The following GTF2F2 variants were observed in gnomAD, a reference collection of about 807,000 sequenced individuals.
The protein encoded by GTF2F2 is ATP-dependent helicase GTF2F2.
GTF2F2 carries 23 observed loss-of-function variants against 42.2 expected under a neutral mutation model. That is an observed-to-expected ratio of 0.55 (90% confidence interval 0.39 to 0.77). The LOEUF (loss-of-function observed/expected upper bound fraction) is 0.77, where lower values mean the gene tolerates loss of function less well. Ranked by LOEUF, GTF2F2 falls within the 30% of genes least tolerant of loss-of-function variation. The pLI is 0.00. For missense variants in GTF2F2, 261 were observed against 287.2 expected (o/e 0.91, Z 0.66); for synonymous variants, 105 against 100.8 (o/e 1.04, Z -0.25).
Position 45,267,314 on chromosome 13 carries a change from G to GC in GTF2F2, c.570dup (p.Phe191LeufsTer2). On this transcript the variant is annotated frameshift_variant, in exon 7 of 8. Transcript: ENST00000340473. LOFTEE classifies it high-confidence loss of function. ...ACATGTTTTAGACATGCTATTTTCA[G>GC]CCTTTGAGAAACATCAATACTATAA... 6.2e-7 allele frequency: 1 copy of GC among 1,611,348 alleles called. No individual in the cohort carries two copies. Among genetic ancestry groups the GC allele is most frequent in the Non-Finnish European group, 8.5e-7 (1 of 1,177,624 alleles).
chr13:45,124,222 A>AT, intron 1 of GTF2F2: 1 of 338,266 alleles, frequency 3.0e-6, no homozygotes, highest in Non-Finnish European at 5.8e-6. Flanking sequence ...AGCTGGGACT[A>AT]TAGGTGCCTG....
At chr13:45,267,169 T>C in intron 6 of GTF2F2, 64 bp from the exon 7 acceptor site, 1 of 1,283,646 alleles carries the variant, frequency 7.8e-7, no homozygotes, top group Non-Finnish European at 1.1e-6. Context: ...AAAAAGAGAA[T>C]GCCTGTGTTT....
At chr13:45,281,693 C>A (rs922644088) in intron 7 of GTF2F2, among the ~76,000 whole-genome samples, 32 of 152,212 alleles carry the variant, frequency 2.1e-4, no homozygotes, top group African/African-American at 7.7e-4. Context: ...TGGTCTAGCA[C>A]CATGCTAGAG....
intron 5 of GTF2F2, among the ~76,000 whole-genome samples, chr13:45,225,956 C>T (rs187522555): frequency 5.4e-4 from 81 of 151,226 alleles, no homozygotes; most frequent in Non-Finnish European, 1.0e-3. Context: ...ATTAACTCAA[C>T]AAGTATGAAA....
intron 3 of GTF2F2, among the ~76,000 whole-genome samples, chr13:45,150,460 C>A (rs1249419990): frequency 6.6e-6 from 1 of 152,014 alleles, no homozygotes; most frequent in African/African-American, 2.4e-5. Context: ...AGTGTTTAAG[C>A]TTTTCAGAGT....
intron 4 of GTF2F2, among the ~76,000 whole-genome samples, chr13:45,171,035 A>G (rs115004729): frequency 0.012 from 1,756 of 151,014 alleles, 29 homozygotes; most frequent in African/African-American, 0.036. Flanking sequence ...ATGAGGTGAC[A>G]TAGCCGTGAA....
At chr13:45,194,769 A>G (rs1419993893) in intron 4 of GTF2F2, 1 of 575,456 alleles carries the variant, frequency 1.7e-6, no homozygotes, top group East Asian at 2.8e-5. Flanking sequence ...AGTAAGACGG[A>G]AAAGAGAATT....
chr13:45,240,917 A>G (rs1403826554), intron 5 of GTF2F2, among the ~76,000 whole-genome samples: 2 of 151,472 alleles, frequency 1.3e-5, no homozygotes, highest in African/African-American at 2.4e-5. Context: ...AGGTGGGCGG[A>G]TCACTTGAGC....
At chr13:45,243,956 C>T (rs1032013451) in intron 5 of GTF2F2, among the ~76,000 whole-genome samples, 2 of 152,220 alleles carry the variant, frequency 1.3e-5, no homozygotes, top group African/African-American at 2.4e-5. Context: ...CCACTGCGCC[C>T]TGCCAGTTTT....
intron 4 of GTF2F2, among the ~76,000 whole-genome samples, chr13:45,170,950 A>C (rs1871564967): frequency 1.3e-5 from 2 of 152,150 alleles, no homozygotes; most frequent in Non-Finnish European, 2.9e-5. Context: ...TCAGAATGGT[A>C]ACAGACAGTT....
intron 4 of GTF2F2, among the ~76,000 whole-genome samples, chr13:45,171,380 C>T (rs1041475068): frequency 6.6e-6 from 1 of 152,044 alleles, no homozygotes; most frequent in East Asian, 1.9e-4. Context: ...AAAACCATAT[C>T]TTGACTTTAA....
chr13:45,183,931 C>T (rs1351090398), intron 4 of GTF2F2, among the ~76,000 whole-genome samples: 1 of 151,980 alleles, frequency 6.6e-6, no homozygotes, highest in Non-Finnish European at 1.5e-5. Context: ...TCTTGGCTCA[C>T]AGCAACCTCT....
chr13:45,232,897 A>C (rs1874759316), intron 5 of GTF2F2, among the ~76,000 whole-genome samples: 1 of 152,206 alleles, frequency 6.6e-6, no homozygotes, highest in Non-Finnish European at 1.5e-5. Flanking sequence ...TGTTTGGAGA[A>C]GTTAGTATAG....
At chr13:45,274,144 T>C (rs1876920975) in intron 7 of GTF2F2, among the ~76,000 whole-genome samples, 1 of 151,988 alleles carries the variant, frequency 6.6e-6, no homozygotes, top group African/African-American at 2.4e-5. Context: ...TTTTCAAATG[T>C]CCCAAGACAG....
chr13:45,147,029 A>C (rs1870228916), intron 2 of GTF2F2, among the ~76,000 whole-genome samples: 1 of 152,248 alleles, frequency 6.6e-6, no homozygotes. Flanking sequence ...GTATTAACTC[A>C]TCTAGAGCTC....
In GTF2F2 at chr13:45,253,093, G is replaced by A. The variant is rs1428075930; in HGVS notation, c.486+123G>A. On this transcript the variant is annotated intron_variant, in intron 6 of 7. Coordinates refer to ENST00000340473, the MANE Select transcript of GTF2F2 (RefSeq NM_004128.3). Reference sequence around the variant, plus strand: ...CTTGCCATCAGGTGCTTGAATTACAGTACCTGATCTGGACTTAGTAAGGAA... The same window carrying A: ...CTTGCCATCAGGTGCTTGAATTACAATACCTGATCTGGACTTAGTAAGGAA... 2.2e-5 allele frequency: 11 copies of A among 501,920 alleles called. No individual in the cohort carries two copies. In the East Asian group the frequency reaches 2.4e-4, roughly 11 times the overall value. 31.1% of individuals were successfully genotyped at this position (501,920 alleles called of 1,614,324 possible).
chr13:45,123,881 G>T lies in GTF2F2; in HGVS notation c.66+3160G>T, dbSNP rs117141541. On this transcript the variant is annotated intron_variant, in intron 1 of 7. Coordinates refer to ENST00000340473, the MANE Select transcript of GTF2F2 (RefSeq NM_004128.3). ...CTCCCTAGGCCCCTCCCTCTTCAGG[G>T]GGTCTGCATGGAAGCTGTGAGGAGG... 1,957 of 331,054 alleles carry T rather than the reference G, an allele frequency of 5.9e-3. 13 individuals are homozygous for T. The highest frequency in any genetic ancestry group is 0.014 in the Middle Eastern group (16 of 1,138). 20.5% of individuals were successfully genotyped at this position (331,054 alleles called of 1,614,324 possible). A position where few individuals can be genotyped will look rare whatever the true frequency, so the allele number is the denominator to read the frequency against.
chr13:45,210,545 C>T (rs1398946021), intron 5 of GTF2F2, among the ~76,000 whole-genome samples: 1 of 152,174 alleles, frequency 6.6e-6, no homozygotes, highest in African/African-American at 2.4e-5. Context: ...ATATTTATTG[C>T]CACGTTTTCC....
At chr13:45,123,925 TG>T in intron 1 of GTF2F2, 1 of 483,774 alleles carries the variant, frequency 2.1e-6, no homozygotes, top group Non-Finnish European at 3.8e-6. Context: ...TTAGTGTGGT[TG>T]GGGACTGAGT....
Sources: gnomAD v4.1 joint callset for allele counts (sites outside exome capture counted in the v4.1 genomes callset) on GRCh38, gnomAD v4.1.1 for gene constraint, MANE v1.5 for transcripts, NCBI Gene and HGNC (gene_info 2026-07-23, HGNC 2026-07-21) for gene names.